TDRD3: variants seen among roughly 807,000 people sequenced by gnomAD.
TDRD3 encodes tudor domain containing 3.
Under a neutral mutation model 86.7 loss-of-function variants are expected in TDRD3, and 45 were observed. That is an observed-to-expected ratio of 0.52 (90% CI 0.41 to 0.67). The LOEUF is 0.67. TDRD3 is among the 30% of genes least tolerant of loss of function. The pLI, the probability that TDRD3 is intolerant of heterozygous loss-of-function variation, is 0.00. For synonymous variants in TDRD3, 298 were observed against 301.7 expected (o/e 0.99, Z 0.13); for missense variants, 814 against 889.0 (o/e 0.92, Z 1.07).
chr13:60,425,764 T>C (rs1247657533), intron 1 of TDRD3, among the ~76,000 whole-genome samples: 1 of 152,098 alleles, frequency 6.6e-6, no homozygotes, highest in Non-Finnish European at 1.5e-5. Context: ...CCTCCTCTTC[T>C]TCCTCCTCCT....
chr13:60,457,605 G>C (rs1051611172), intron 3 of TDRD3, among the ~76,000 whole-genome samples: 1 of 152,212 alleles, frequency 6.6e-6, no homozygotes, highest in Non-Finnish European at 1.5e-5. Flanking sequence ...AGTGGGTATA[G>C]TAGTTATCTG....
chr13:60,572,820 A>AT (rs3832887), intron 13 of TDRD3, among the ~76,000 whole-genome samples: 63,533 of 151,854 alleles, frequency 0.42, 13,868 homozygotes, highest in South Asian at 0.54. Flanking sequence ...AAATGTTGAA[A>AT]TTTTTTTTGA....
At position 60,535,230 on chromosome 13, in the gene TDRD3, A is replaced by T; in HGVS notation, c.2115A>T (p.Ala705=). 6.2e-7 allele frequency: 1 copy of T among 1,613,336 alleles called. No individual in the cohort carries two copies. Among genetic ancestry groups the T allele is most frequent in the Non-Finnish European group, 8.5e-7 (1 of 1,179,548 alleles). The change falls in exon 12 of 14, where the codon GCA becomes GCT. Residue 705 remains alanine, a synonymous_variant. Coordinates refer to ENST00000377881, the MANE Select transcript of TDRD3 (RefSeq NM_001146070.2). The part of the protein sequence containing the change: ...LSNIKPIQTE[A]WEEEGTYDQT... ...ATATCAAGCCCATTCAAACAGAGGCATGGGTACGTGATACATATTCTGTAC... is the reference window on the plus strand; with the variant it reads ...ATATCAAGCCCATTCAAACAGAGGCTTGGGTACGTGATACATATTCTGTAC...
At chr13:60,491,731 A>G (rs909783129) in intron 7 of TDRD3, among the ~76,000 whole-genome samples, 1 of 151,944 alleles carries the variant, frequency 6.6e-6, no homozygotes, top group Non-Finnish European at 1.5e-5. Flanking sequence ...ATGACCATGC[A>G]TTTACCAACA....
intron 12 of TDRD3, among the ~76,000 whole-genome samples, chr13:60,543,255 T>C (rs1292271851): frequency 6.6e-6 from 1 of 152,152 alleles, no homozygotes; most frequent in Non-Finnish European, 1.5e-5. Context: ...AAGTTATTAT[T>C]TTTTTGTACA....
intron 10 of TDRD3, among the ~76,000 whole-genome samples, chr13:60,518,298 T>C (rs1957216167): frequency 6.6e-6 from 1 of 152,212 alleles, no homozygotes; most frequent in Non-Finnish European, 1.5e-5. Flanking sequence ...TGGTGCTGGC[T>C]GTTGAGCCCC....
chr13:60,520,440 C>G (rs980496803), intron 10 of TDRD3, among the ~76,000 whole-genome samples: 3 of 152,102 alleles, frequency 2.0e-5, no homozygotes, highest in Admixed American at 6.5e-5. Context: ...GTGTTGTTCT[C>G]TCCTCTTGGA....
At chr13:60,417,280 T>A (rs1167309531) in intron 1 of TDRD3, among the ~76,000 whole-genome samples, 1 of 151,946 alleles carries the variant, frequency 6.6e-6, no homozygotes, top group Non-Finnish European at 1.5e-5. Flanking sequence ...CCTCCCAAAG[T>A]GCTCGGATTA....
chr13:60,424,542 T>C (rs1954750431), intron 1 of TDRD3, among the ~76,000 whole-genome samples: 2 of 151,802 alleles, frequency 1.3e-5, no homozygotes, highest in Admixed American at 1.3e-4. Flanking sequence ...CTGGGCATAG[T>C]GGGATGCTCC....
At chr13:60,397,766 C>T (rs762926757) in intron 1 of TDRD3, among the ~76,000 whole-genome samples, 1 of 151,740 alleles carries the variant, frequency 6.6e-6, no homozygotes, top group Admixed American at 6.6e-5. Flanking sequence ...CGCGGCTTCT[C>T]CGGGGAGGGG....
At chr13:60,442,133 T>C (rs994574444) in intron 2 of TDRD3, among the ~76,000 whole-genome samples, 7 of 152,178 alleles carry the variant, frequency 4.6e-5, no homozygotes, top group Admixed American at 2.0e-4. Context: ...GCTTTTTAAA[T>C]TGGGGAGTAA....
At chr13:60,551,065 A>G (rs1053313771) in intron 12 of TDRD3, among the ~76,000 whole-genome samples, 1 of 152,080 alleles carries the variant, frequency 6.6e-6, no homozygotes, top group African/African-American at 2.4e-5. Flanking sequence ...TACTAATTTC[A>G]TTATGTATTT....
intron 1 of TDRD3, among the ~76,000 whole-genome samples, chr13:60,429,228 C>CTT (rs909270767): frequency 1.3e-5 from 2 of 151,956 alleles, no homozygotes; most frequent in Non-Finnish European, 1.5e-5. Context: ...TTATATGCCT[C>CTT]TTTCATTTTT....
chr13:60,545,021 G>C (rs1263774087), intron 12 of TDRD3, among the ~76,000 whole-genome samples: 1 of 152,142 alleles, frequency 6.6e-6, no homozygotes, highest in Non-Finnish European at 1.5e-5. Flanking sequence ...CACCAAGCCT[G>C]TACATGACAG....
intron 12 of TDRD3, among the ~76,000 whole-genome samples, chr13:60,552,352 A>G (rs1169532850): frequency 6.6e-6 from 1 of 152,246 alleles, no homozygotes; most frequent in African/African-American, 2.4e-5. Flanking sequence ...TTACAGCTCC[A>G]AAATAATCTC....
chr13:60,568,962 T>C (rs1475020104), intron 13 of TDRD3, among the ~76,000 whole-genome samples: 2 of 151,362 alleles, frequency 1.3e-5, no homozygotes, highest in Non-Finnish European at 2.9e-5. Context: ...ATTGTTTTTT[T>C]TCCCCCCTTT....
chr13:60,543,411 G>T (rs1957862504), intron 12 of TDRD3, among the ~76,000 whole-genome samples: 1 of 152,010 alleles, frequency 6.6e-6, no homozygotes, highest in African/African-American at 2.4e-5. Flanking sequence ...ACTTCTTTGA[G>T]TCAATAACAA....
At chr13:60,519,939 G>A (rs1053762576) in intron 10 of TDRD3, among the ~76,000 whole-genome samples, 3 of 152,168 alleles carry the variant, frequency 2.0e-5, no homozygotes, top group Non-Finnish European at 2.9e-5. Flanking sequence ...AATCTTTGCA[G>A]TTGTATTGTT....
Position 60,485,876 on chromosome 13 carries a change from A to G in TDRD3, c.645A>G (p.Lys215=), listed in dbSNP as rs1416393971. The G allele has an allele frequency of 1.9e-6, 3 of 1,611,470 alleles. No individual in the cohort carries two copies. The highest frequency in any genetic ancestry group is 2.2e-5 in the East Asian group (1 of 44,684). Residue 215 remains lysine, a synonymous_variant, in exon 7 of 14, where the codon AAA becomes AAG. Coordinates refer to ENST00000377881, the MANE Select transcript of TDRD3 (RefSeq NM_001146070.2). ...CATTGCAAGTTACAATGCCTGTCAA[A>G]CCTACAAATGATAATGATGAATTTG... is the stretch of plus-strand genomic sequence containing the variant. ...RKTLQVTMPV[K]PTNDNDEFEK... is the part of the protein sequence containing the mutation.
Sources: allele counts gnomAD v4.1 joint callset (sites outside exome capture counted in the v4.1 genomes callset), GRCh38; gene constraint gnomAD v4.1.1; transcripts MANE v1.5; gene names NCBI Gene and HGNC (gene_info 2026-07-23, HGNC 2026-07-21).